The following MRPS6 variants were observed in gnomAD, a reference collection of about 807,000 sequenced individuals.
The protein encoded by MRPS6 is mitochondrial ribosomal protein S6.
A neutral mutation model predicts 13.1 loss-of-function variants in MRPS6; 6 were observed. The observed-to-expected ratio is 0.46, with a 90% confidence interval of 0.25 to 0.91. The LOEUF (loss-of-function observed/expected upper bound fraction) is 0.91. MRPS6 is among the 40% of genes least tolerant of loss of function. The pLI is 0.18. For synonymous variants in MRPS6, 61 were observed against 56.5 expected, an observed-to-expected ratio of 1.08 and a Z score of -0.36; for missense variants, 164 against 155.6, an observed-to-expected ratio of 1.05 and a Z score of -0.29.
intron 1 of MRPS6, chr21:34,122,590 T>C (rs1569423277): frequency 6.6e-6 from 1 of 152,248 alleles, no homozygotes; most frequent in Admixed American, 6.5e-5. Context: ...TAATGAGTTT[T>C]ATACTGTAAA....
chr21:34,088,151 T>A (rs1978490829), intron 1 of MRPS6, among the ~76,000 whole-genome samples: 1 of 152,254 alleles, frequency 6.6e-6, no homozygotes, highest in Non-Finnish European at 1.5e-5. Flanking sequence ...CTAATTCCTT[T>A]AACTTAATGT....
chr21:34,075,055 T>C (rs1348741490), intron 1 of MRPS6, among the ~76,000 whole-genome samples: 1 of 152,222 alleles, frequency 6.6e-6, no homozygotes, highest in Non-Finnish European at 1.5e-5. Flanking sequence ...CCCTCCTCCT[T>C]GCTTACCAGC....
chr21:34,118,216 A>T (rs1207060941), intron 1 of MRPS6, among the ~76,000 whole-genome samples: 2 of 152,010 alleles, frequency 1.3e-5, no homozygotes, highest in East Asian at 3.9e-4. Flanking sequence ...TCTGTGTGTA[A>T]ACTTTGGACT....
Position 34,095,471 on chromosome 21 carries a change from A to G in MRPS6, c.45+21726A>G, listed in dbSNP as rs375782457. 3.1e-6 allele frequency: 5 copies of G among 1,613,882 alleles called. No individual in the cohort carries two copies. The African/African-American group carries it at 6.7e-5, about 22-fold the overall frequency. On this transcript the variant is annotated intron_variant, in intron 1 of 2. Coordinates refer to ENST00000399312, the MANE Select transcript of MRPS6 (RefSeq NM_032476.4). ...AATTCAATGCCTTACTGCTTTTACA[A>G]CTTCTGGGATGGGTTTTCATCCCAA... is the stretch of plus-strand genomic sequence containing the variant.
chr21:34,136,090 G>C (rs1427404895), intron 2 of MRPS6: 3 of 224,546 alleles, frequency 1.3e-5, no homozygotes, highest in Admixed American at 1.1e-4. Flanking sequence ...CACAGCCCGA[G>C]TGTCTCTGTT....
chr21:34,108,409 A>G lies in MRPS6; in HGVS notation c.46-16932A>G, dbSNP rs780202438. Among the ~76,000 whole-genome samples the G allele has an allele frequency of 3.0e-4, 46 of 152,332 alleles. 1 individual carries two copies. Among genetic ancestry groups the G allele is most frequent in the Admixed American group, 3.3e-4 (5 of 15,296 alleles). ...GTCTAGGAACAGTAGGCTACACCAC[A>G]TAGCCTAGGTGTGTAGTAGGGTACG... On this transcript the variant is annotated intron_variant, in intron 1 of 2. Coordinates refer to ENST00000399312, the MANE Select transcript of MRPS6 (RefSeq NM_032476.4).
In MRPS6 at chr21:34,073,732, A is replaced by G. The variant is rs1208820750; in HGVS notation, c.32A>G (p.Lys11Arg). The G allele has an allele frequency of 2.6e-6, 4 of 1,526,778 alleles. No homozygotes were observed. Among genetic ancestry groups the G allele is most frequent in the African/African-American group, 1.4e-5 (1 of 69,080 alleles). 94.6% of individuals were successfully genotyped at this position (1,526,778 alleles called of 1,614,324 possible). Residue 11 changes from lysine (K) to arginine (R), a missense_variant, in exon 1 of 3, where the codon AAA (lysine) becomes AGA (arginine). By Grantham distance (26) the Lys-to-Arg change is conservative (BLOSUM62 2). Transcript: ENST00000399312. MPRYELALIL[K>R]AMQRPETAAT... ...CGCTACGAGCTGGCTTTAATCCTGA[A>G]AGCCATGCAGCGGGTAAGTGACCTT...
chr21:34,102,779 A>G (rs1185261458), intron 1 of MRPS6: 1 of 1,000,108 alleles, frequency 1.0e-6, no homozygotes, highest in Non-Finnish European at 1.2e-6. Context: ...TACCACTGAA[A>G]AGCACTATAA....
intron 1 of MRPS6, among the ~76,000 whole-genome samples, chr21:34,076,365 C>G (rs928883922): frequency 3.9e-5 from 6 of 152,152 alleles, no homozygotes; most frequent in African/African-American, 1.4e-4. Context: ...TTGGCTGTCA[C>G]AGTATCTGGA....
chr21:34,135,930 T>C, intron 2 of MRPS6: 1 of 443,062 alleles, frequency 2.3e-6, no homozygotes, highest in Non-Finnish European at 4.3e-6. Context: ...TCTCCTTCAC[T>C]GCAATGGAAT....
rs1000362222 is a variant in MRPS6, at chr21:34,099,044, A to G, written c.45+25299A>G. On this transcript the variant is annotated intron_variant, in intron 1 of 2. Transcript: ENST00000399312. ...AACTAGTTTCATTATGATGGACTTGATTAGTCCAAAGTTAATTTTAGAAAT... is the reference window on the plus strand; with the variant it reads ...AACTAGTTTCATTATGATGGACTTGGTTAGTCCAAAGTTAATTTTAGAAAT... 6.1e-6 allele frequency: 6 copies of G among 990,970 alleles called. No individual in the cohort carries two copies. In the African/African-American group the frequency reaches 7.0e-5, roughly 12 times the overall value. The allele number at this position is 990,970 out of a possible 1,614,324, so 61.4% of individuals were successfully genotyped here. A position where few individuals can be genotyped will look rare whatever the true frequency, so the allele number is the denominator to read the frequency against.
chr21:34,083,961 A>C (rs1023154925), intron 1 of MRPS6, among the ~76,000 whole-genome samples: 1 of 152,186 alleles, frequency 6.6e-6, no homozygotes, highest in Non-Finnish European at 1.5e-5. Flanking sequence ...GGATTTTTCT[A>C]TCCCTCTACT....
chr21:34,123,019 T>C (rs1249458931), intron 1 of MRPS6: 1 of 152,222 alleles, frequency 6.6e-6, no homozygotes, highest in African/African-American at 2.4e-5. Context: ...GGAAGAGATT[T>C]TGGCCTGAAT....
chr21:34,100,490 C>G (rs1376293188), intron 1 of MRPS6: 6 of 1,000,120 alleles, frequency 6.0e-6, no homozygotes, highest in Non-Finnish European at 7.2e-6. Context: ...TGTCCTTCGG[C>G]CTAAATTCAA....
At chr21:34,119,758 C>T (rs1404748819) in intron 1 of MRPS6, among the ~76,000 whole-genome samples, 1 of 152,192 alleles carries the variant, frequency 6.6e-6, no homozygotes, top group African/African-American at 2.4e-5. Context: ...ACAAGTTTCT[C>T]TTCTGGGATG....
At chr21:34,099,297 T>C in intron 1 of MRPS6, 1 of 1,000,270 alleles carries the variant, frequency 1.0e-6, no homozygotes, top group Non-Finnish European at 1.2e-6. Context: ...TCCAAGGTTA[T>C]GAAGTCTCTT....
At chr21:34,137,494 T>A (rs1980750036) in intron 2 of MRPS6, among the ~76,000 whole-genome samples, 2 of 152,236 alleles carry the variant, frequency 1.3e-5, no homozygotes, top group Non-Finnish European at 2.9e-5. Context: ...CTATTTTTTT[T>A]ATAGATTTCT....
At position 34,088,217 on chromosome 21, in the gene MRPS6, G is replaced by A. The variant is rs1602917403; in HGVS notation, c.45+14472G>A. Among the ~76,000 whole-genome samples, 4 of 134,828 alleles carry A rather than the reference G, an allele frequency of 3.0e-5. No individual in the cohort carries two copies. In the South Asian group the frequency reaches 1.1e-3, roughly 36 times the overall value. 88.5% of individuals were successfully genotyped at this position (134,828 alleles called of 152,430 possible). A position where few individuals can be genotyped will look rare whatever the true frequency, so the allele number is the denominator to read the frequency against. Reference sequence around the variant, plus strand: ...CTTAGATAGAATCTATAGCTGTGATGACTGGGTCAAGTATAGAATACACTT... The same window carrying A: ...CTTAGATAGAATCTATAGCTGTGATAACTGGGTCAAGTATAGAATACACTT... On this transcript the variant is annotated intron_variant, in intron 1 of 2. Transcript: ENST00000399312.
chr21:34,128,753 G>T (rs1428588971), intron 2 of MRPS6, among the ~76,000 whole-genome samples: 1 of 152,166 alleles, frequency 6.6e-6, no homozygotes, highest in East Asian at 1.9e-4. Flanking sequence ...AGTAGAACTG[G>T]GGGAGTCATG....
Sources: gnomAD v4.1 joint callset for allele counts (sites outside exome capture counted in the v4.1 genomes callset) on GRCh38, gnomAD v4.1.1 for gene constraint, MANE v1.5 for transcripts, NCBI Gene and HGNC (gene_info 2026-07-23, HGNC 2026-07-21) for gene names.